FBLN7: variants seen among roughly 807,000 people sequenced by gnomAD.
FBLN7 encodes fibulin 7, also known as fibulin-7.
Under a neutral mutation model 44.0 loss-of-function variants are expected in FBLN7, and 31 were observed. The observed-to-expected ratio is 0.70, with a 90% CI of 0.53 to 0.95. FBLN7 has a LOEUF of 0.95. Among genes scored for constraint, FBLN7 ranks in the 40% least tolerant of loss-of-function variants. The pLI is 0.00. For synonymous variants in FBLN7, 262 were observed against 253.4 expected (o/e 1.03, Z -0.32); for missense variants, 573 against 618.5 (o/e 0.93, Z 0.78).
At chr2:112,160,196 T>C (rs1681680667) in intron 2 of FBLN7, among the ~76,000 whole-genome samples, 1 of 152,120 alleles carries the variant, frequency 6.6e-6, no homozygotes, top group Non-Finnish European at 1.5e-5. Context: ...TTCACCTTGT[T>C]AGCCAGGATG....
At chr2:112,143,348 G>A (rs897677807) in intron 1 of FBLN7, among the ~76,000 whole-genome samples, 1 of 152,160 alleles carries the variant, frequency 6.6e-6, no homozygotes, top group African/African-American at 2.4e-5. Context: ...GCGGGCAGGG[G>A]ATGCGGGCTC....
At chr2:112,209,125 T>C in the FBLN7 span, among the ~76,000 whole-genome samples, 2 of 152,234 alleles carry the variant, frequency 1.3e-5, no homozygotes, top group African/African-American at 4.8e-5. Flanking sequence ...GATTTTATTT[T>C]TGGCTCCATT....
chr2:112,164,967 G>A, intron 2 of FBLN7, 34 bp from the exon 3 acceptor site: 1 of 1,606,094 alleles, frequency 6.2e-7, no homozygotes, highest in Non-Finnish European at 8.5e-7. Context: ...GGTCCAGGAT[G>A]AGGAGCTCGT....
the FBLN7 span, among the ~76,000 whole-genome samples, chr2:112,235,762 G>A: frequency 6.6e-6 from 1 of 152,028 alleles, no homozygotes; most frequent in Admixed American, 6.6e-5. Flanking sequence ...GGGGAGTGGG[G>A]AGATTCAGTA....
At chr2:112,139,146 C>T (rs1482154108) in intron 1 of FBLN7, among the ~76,000 whole-genome samples, 1 of 90,980 alleles carries the variant, frequency 1.1e-5, no homozygotes, top group Admixed American at 9.7e-5. Flanking sequence ...TCCCGCCTCT[C>T]TCCACGCCAG....
chr2:112,185,290 G>A lies in FBLN7; in HGVS notation c.898G>A (p.Glu300Lys), dbSNP rs1247439062. Residue 300 changes from glutamate to lysine, a missense_variant, in exon 7 of 8, where the codon GAG (glutamate) becomes AAG (lysine). Physicochemically the swap from Glu to Lys is moderately conservative, Grantham distance 56 (BLOSUM62 1). Coordinates refer to ENST00000331203, the MANE Select transcript of FBLN7 (RefSeq NM_153214.3). ...TGGSFQCVSP[E>K]CPEGSGNVSY... The stretch of plus-strand genomic sequence containing the variant: ...TGGAAGCTTCCAGTGTGTCAGCCCT[G>A]AGTGCCCCGAGGGCAGCGGCAATGT... 2 of 1,613,940 alleles carry A rather than the reference G, an allele frequency of 1.2e-6. No homozygotes were observed. The highest frequency in any genetic ancestry group is 2.2e-5 in the South Asian group (2 of 91,082).
chr2:112,238,467 T>C, the FBLN7 span: 302 of 1,613,006 alleles, frequency 1.9e-4, 2 homozygotes, highest in Non-Finnish European at 2.2e-4. Context: ...ATATACATCA[T>C]AGTCCTTACT....
intron 2 of FBLN7, among the ~76,000 whole-genome samples, chr2:112,160,481 C>T (rs895333014): frequency 6.6e-6 from 1 of 152,226 alleles, no homozygotes; most frequent in Non-Finnish European, 1.5e-5. Context: ...ACTTTTAGAT[C>T]ACGCACTGCT....
At chr2:112,202,602 A>G in the FBLN7 span, among the ~76,000 whole-genome samples, 3 of 152,150 alleles carry the variant, frequency 2.0e-5, no homozygotes, top group African/African-American at 7.2e-5. Flanking sequence ...TCAAAAATCA[A>G]CTTTTTCAGA....
At chr2:112,143,468 G>T (rs570366287) in intron 1 of FBLN7, among the ~76,000 whole-genome samples, 6 of 152,222 alleles carry the variant, frequency 3.9e-5, no homozygotes, top group Non-Finnish European at 4.4e-5. Flanking sequence ...TCCACCATGA[G>T]AGGTTCATTC....
At chr2:112,207,609 G>A in the FBLN7 span, among the ~76,000 whole-genome samples, 142 of 152,240 alleles carry the variant, frequency 9.3e-4, no homozygotes, top group Non-Finnish European at 1.7e-3. Context: ...TACTAAGAAA[G>A]GAGTGTTGAA....
At position 112,138,717 on chromosome 2, in the gene FBLN7, C is replaced by G. The variant is rs772749932; in HGVS notation, c.62C>G (p.Pro21Arg). Residue 21 changes from proline (P) to arginine (R), a missense_variant, in exon 1 of 8, where the codon CCG (proline) becomes CGG (arginine). Transcript: ENST00000331203. ...LLLLILACPE[P>R]RASQNCLSKQ... ...CTCCTGATCCTCGCCTGCCCCGAGC[C>G]GCGGGCTTCCCAGGTCAGTGTCCCT... 1.2e-6 allele frequency: 2 copies of G among 1,612,738 alleles called. No individual in the cohort carries two copies. The highest frequency in any genetic ancestry group is 1.7e-6 in the Non-Finnish European group (2 of 1,179,814).
rs537877321 is a variant in FBLN7, at chr2:112,160,091, C to T, written c.235+256C>T. The stretch of plus-strand genomic sequence containing the variant: ...CTGCAAGCTCCGCCTCCCGGGTTCA[C>T]GCCATTCTCCTGCCTCAGCCTCCCG... On this transcript the variant is annotated intron_variant, in intron 2 of 7. Transcript: ENST00000331203. Among the ~76,000 whole-genome samples the T allele has an allele frequency of 2.6e-3, 395 of 152,228 alleles. 3 individuals are homozygous for T. The highest frequency in any genetic ancestry group is 9.1e-3 in the African/African-American group (376 of 41,522).
chr2:112,193,646 G>A, the FBLN7 span, among the ~76,000 whole-genome samples: 2 of 152,248 alleles, frequency 1.3e-5, no homozygotes, highest in East Asian at 3.9e-4. Context: ...AGAACCTGTG[G>A]GTATGGAGGG....
the FBLN7 span, chr2:112,233,482 T>C: frequency 1.4e-6 from 1 of 711,214 alleles, no homozygotes; most frequent in Non-Finnish European, 2.4e-6. Context: ...AGAACCAAAG[T>C]CTTAGAGGTA....
At chr2:112,143,339 C>T (rs1049254820) in intron 1 of FBLN7, among the ~76,000 whole-genome samples, 2 of 152,130 alleles carry the variant, frequency 1.3e-5, no homozygotes, top group East Asian at 1.9e-4. Flanking sequence ...TGGCTCTGGG[C>T]GGGCAGGGGA....
In FBLN7 at chr2:112,184,728, T is replaced by A. The variant is rs60662449; in HGVS notation, c.809-473T>A. On this transcript the variant is annotated intron_variant, in intron 6 of 7. Transcript: ENST00000331203. ...TGAATATGGTATATGTATATATATGTATATGGTATATATATATACACACAC... is the reference window on the plus strand; with the variant it reads ...TGAATATGGTATATGTATATATATGAATATGGTATATATATATACACACAC... Among the ~76,000 whole-genome samples, 25 of 46,560 alleles carry A rather than the reference T, an allele frequency of 5.4e-4. No homozygotes were observed. In the South Asian group the frequency reaches 6.6e-3, roughly 12 times the overall value. 30.5% of individuals were successfully genotyped at this position (46,560 alleles called of 152,430 possible).
chr2:112,172,020 T>G (rs543908921), intron 3 of FBLN7, among the ~76,000 whole-genome samples: 113 of 152,298 alleles, frequency 7.4e-4, no homozygotes, highest in African/African-American at 2.6e-3. Flanking sequence ...GTGCTAGGAT[T>G]ACAGGCGGCG....
At position 112,182,458 on chromosome 2, in the gene FBLN7, T is replaced by C. The variant is rs1322418412; in HGVS notation, c.671-333T>C. Among the ~76,000 whole-genome samples, 6 of 152,242 alleles carry C rather than the reference T, an allele frequency of 3.9e-5. No homozygotes were observed. In the South Asian group the frequency reaches 1.0e-3, roughly 26 times the overall value. ...TAACATGGGGCTGTTAACCCATCCC[T>C]ACTTTCTGGGAATAGGCTTGATTTG... is the stretch of plus-strand genomic sequence containing the variant. On this transcript the variant is annotated intron_variant, in intron 5 of 7. Coordinates refer to ENST00000331203, the MANE Select transcript of FBLN7 (RefSeq NM_153214.3).
Sources: allele counts gnomAD v4.1 joint callset (sites outside exome capture counted in the v4.1 genomes callset), GRCh38; gene constraint gnomAD v4.1.1; transcripts MANE v1.5; gene names NCBI Gene and HGNC (gene_info 2026-07-23, HGNC 2026-07-21).